NFAM1: variants seen among roughly 807,000 people sequenced by gnomAD.
NFAM1 encodes the protein NFAT activation molecule 1.
Under a neutral mutation model 29.0 loss-of-function variants are expected in NFAM1, and 17 were observed. The observed-to-expected ratio is 0.59, with a 90% confidence interval of 0.40 to 0.88. The LOEUF is 0.88. NFAM1 is among the 40% of genes least tolerant of loss of function. NFAM1 has a pLI of 0.00. For synonymous variants in NFAM1, 175 were observed against 147.2 expected (o/e 1.19, Z -1.36); for missense variants, 324 against 344.6 (o/e 0.94, Z 0.47).
chr22:42,396,902 C>T (rs1929544778), intron 4 of NFAM1, among the ~76,000 whole-genome samples: 1 of 145,372 alleles, frequency 6.9e-6, no homozygotes, highest in Non-Finnish European at 1.5e-5. Flanking sequence ...ACGAGCAGAA[C>T]CCAAGCACCA....
rs370387474 is a variant in NFAM1 at position 42,411,582 on chromosome 22, G to A, written c.276C>T (p.Ser92=). The stretch of plus-strand genomic sequence containing the variant: ...GGTGGCAGTTTGTTGGCTTCTTAGG[G>A]CTCCTCTGTCCCTGGAGATCTTCAT... ...YFHEDLQGQR[S]PKKPTNCHPG... Residue 92 remains serine, a synonymous_variant, in exon 2 of 6, where the codon AGC becomes AGT. Coordinates refer to ENST00000329021, the MANE Select transcript of NFAM1 (RefSeq NM_145912.8). 4 of 1,614,074 alleles carry A rather than the reference G, an allele frequency of 2.5e-6. No individual in the cohort carries two copies. The highest frequency in any genetic ancestry group is 3.4e-6 in the Non-Finnish European group (4 of 1,180,040).
chr22:42,389,673 G>C (rs1387513051), intron 4 of NFAM1, among the ~76,000 whole-genome samples: 1 of 147,992 alleles, frequency 6.8e-6, no homozygotes, highest in Non-Finnish European at 1.5e-5. Flanking sequence ...TTGGGGGCTG[G>C]GGGGCTGGGC....
At chr22:42,427,806 G>C (rs531902355) in intron 1 of NFAM1, among the ~76,000 whole-genome samples, 31 of 152,264 alleles carry the variant, frequency 2.0e-4, no homozygotes, top group African/African-American at 7.5e-4. Context: ...ATATGGTTTC[G>C]GGATGTGTAC....
intron 1 of NFAM1, among the ~76,000 whole-genome samples, chr22:42,417,457 A>G (rs192573369): frequency 6.6e-6 from 1 of 152,258 alleles, no homozygotes; most frequent in East Asian, 1.9e-4. Flanking sequence ...CGCAGGGAGG[A>G]AACGTCTCAA....
At chr22:42,400,390 G>C (rs989031435) in intron 3 of NFAM1, among the ~76,000 whole-genome samples, 5 of 152,108 alleles carry the variant, frequency 3.3e-5, no homozygotes, top group African/African-American at 1.2e-4. Flanking sequence ...AGCCAAGGTG[G>C]GTGGATCACT....
chr22:42,397,982 A>ACTCATCCCTGGCCCT, intron 3 of NFAM1, 26 bp from the exon 4 acceptor site: 1 of 1,316,360 alleles, frequency 7.6e-7, no homozygotes, highest in Non-Finnish European at 1.1e-6. Context: ...AGTCAGGGCC[A>ACTCATCCCTGGCCCT]GGGATGAGTG....
intron 4 of NFAM1, among the ~76,000 whole-genome samples, chr22:42,389,966 A>C (rs1929278879): frequency 6.6e-6 from 1 of 152,148 alleles, no homozygotes; most frequent in South Asian, 2.1e-4. Context: ...GTGGAGAAGC[A>C]ATTCAGCTCT....
rs894053862 is a variant in NFAM1 at position 42,432,167 on chromosome 22, C to T, written c.121+70G>A. On this transcript the variant is annotated intron_variant, in intron 1 of 5. Transcript: ENST00000329021. ...ACAGGTCCCTGGGAATTAGCTGCGC[C>T]GGGCGGGATGAAAGCCGCTCTGATG... is the stretch of plus-strand genomic sequence containing the variant. 3.3e-5 allele frequency: 46 copies of T among 1,376,280 alleles called. No homozygotes were observed. In the East Asian group the frequency reaches 6.7e-4, roughly 20 times the overall value. The allele number at this position is 1,376,280 out of a possible 1,614,324, so 85.3% of individuals were successfully genotyped here. A position where few individuals can be genotyped will look rare whatever the true frequency, so the allele number is the denominator to read the frequency against.
chr22:42,381,918 G>C lies in NFAM1; in HGVS notation c.*3243C>G, dbSNP rs1390383037. Reference sequence around the variant, plus strand: ...CTGGGCCCAGCTCCCAGGGAGGCCTGCCTCTCACTTAGACTCCTCTGTACT... The same window carrying C: ...CTGGGCCCAGCTCCCAGGGAGGCCTCCCTCTCACTTAGACTCCTCTGTACT... On this transcript the variant is annotated 3_prime_UTR_variant, in exon 6 of 6. Transcript: ENST00000329021. The C allele has an allele frequency of 6.6e-6, 1 of 152,412 alleles. No individual in the cohort carries two copies. Among genetic ancestry groups the C allele is most frequent in the East Asian group, 1.9e-4 (1 of 5,182 alleles). 9.4% of individuals were successfully genotyped at this position (152,412 alleles called of 1,614,324 possible).
intron 1 of NFAM1, among the ~76,000 whole-genome samples, chr22:42,429,413 C>T (rs1182336384): frequency 6.6e-6 from 1 of 152,032 alleles, no homozygotes; most frequent in Non-Finnish European, 1.5e-5. Context: ...GTCAGGAGTT[C>T]GAGACCAGCC....
At chr22:42,389,752 C>T (rs1366630302) in intron 4 of NFAM1, among the ~76,000 whole-genome samples, 2 of 152,148 alleles carry the variant, frequency 1.3e-5, no homozygotes, top group East Asian at 3.9e-4. Context: ...AGGCCCTTTG[C>T]CTCCTGCTGC....
At chr22:42,391,704 G>A (rs1929347697) in intron 4 of NFAM1, among the ~76,000 whole-genome samples, 1 of 152,058 alleles carries the variant, frequency 6.6e-6, no homozygotes, top group African/African-American at 2.4e-5. Flanking sequence ...TAGCACTTTG[G>A]GAGGCTGAGG....
In NFAM1 at chr22:42,380,779, T is replaced by C. The variant is rs1011741866; in HGVS notation, c.*4382A>G. 2 of 151,684 alleles carry C rather than the reference T, an allele frequency of 1.3e-5. No homozygotes were observed. Among genetic ancestry groups the C allele is most frequent in the African/African-American group, 2.4e-5 (1 of 41,132 alleles). The allele number at this position is 151,684 out of a possible 1,614,324, so 9.4% of individuals were successfully genotyped here. On this transcript the variant is annotated 3_prime_UTR_variant, in exon 6 of 6. Coordinates refer to ENST00000329021, the MANE Select transcript of NFAM1 (RefSeq NM_145912.8). ...TTAGAATGGAGCATGGACTTTACAT[T>C]AGAATGTGCTTTAACAAAAAAAAAA...
At chr22:42,433,819 G>C (rs947205588), upstream of NFAM1, among the ~76,000 whole-genome samples, 2 of 152,164 alleles carry the variant, frequency 1.3e-5, no homozygotes, top group South Asian at 2.1e-4. Context: ...ATGCAGACCC[G>C]CTGCTTCACG....
rs994147812 is a variant in NFAM1 at position 42,419,105 on chromosome 22, G to A, written c.122-7369C>T. 6.6e-6 allele frequency among the ~76,000 whole-genome samples: 1 copy of A among 152,200 alleles called. No homozygotes were observed. The highest frequency in any genetic ancestry group is 1.5e-5 in the Non-Finnish European group (1 of 68,028). ...CTGGCGCGGGGACCACATGCCGAGT[G>A]AGTCCCTGGCGGGGTGTGCCCCCAC... On this transcript the variant is annotated intron_variant, in intron 1 of 5. Coordinates refer to ENST00000329021, the MANE Select transcript of NFAM1 (RefSeq NM_145912.8). This position sits in a 1 kb window ranked among gnomAD's most constrained non-coding sequence, Gnocchi z 4.5.
rs564770148 is a variant in NFAM1 at position 42,389,843 on chromosome 22, G to C, written c.664-2765C>G. Among the ~76,000 whole-genome samples, 5 of 152,340 alleles carry C rather than the reference G, an allele frequency of 3.3e-5. No homozygotes were observed. The East Asian group carries it at 7.7e-4, about 23-fold the overall frequency. The stretch of plus-strand genomic sequence containing the variant: ...CAATGCTGAGGCCTTCTCCAGGCAG[G>C]CTGAGGCCAGAGCTGAAGTTAGTGT... On this transcript the variant is annotated intron_variant, in intron 4 of 5. Transcript: ENST00000329021.
At chr22:42,398,382 T>TTTTA in intron 3 of NFAM1, among the ~76,000 whole-genome samples, 1 of 125,428 alleles carries the variant, frequency 8.0e-6, no homozygotes, top group South Asian at 2.7e-4. Flanking sequence ...CTTGGTTTTA[T>TTTTA]TTATTATTAT....
At chr22:42,395,842 C>T (rs1601738775) in intron 4 of NFAM1, among the ~76,000 whole-genome samples, 1 of 142,620 alleles carries the variant, frequency 7.0e-6, no homozygotes, top group Non-Finnish European at 1.5e-5. Context: ...AAGATCGTGC[C>T]ACTGCACTCC....
Position 42,409,302 on chromosome 22 carries a change from GCCA to G in NFAM1, c.564+130_564+132del, listed in dbSNP as rs1930001918. On this transcript the variant is annotated intron_variant, in intron 3 of 5. Transcript: ENST00000329021. The surrounding 1 kb of genome is among the most constrained non-coding windows in gnomAD (Gnocchi z 4.9). ...GATGCCCCCAGCCCTGGTGCAAGGGGCCACGAGGGCCACCTGTTACAGATGTGG... is the reference window on the plus strand; with the variant it reads ...GATGCCCCCAGCCCTGGTGCAAGGGGCGAGGGCCACCTGTTACAGATGTGG... 1 of 476,352 alleles carries G rather than the reference GCCA, an allele frequency of 2.1e-6. No homozygotes were observed. Among genetic ancestry groups the G allele is most frequent in the Admixed American group, 3.5e-5 (1 of 28,732 alleles). The allele number at this position is 476,352 out of a possible 1,614,324, so 29.5% of individuals were successfully genotyped here.
Sources: allele counts gnomAD v4.1 joint callset (sites outside exome capture counted in the v4.1 genomes callset), GRCh38; gene constraint gnomAD v4.1.1; non-coding constraint Gnocchi (gnomAD v3.1); transcripts MANE v1.5; gene names NCBI Gene and HGNC (gene_info 2026-07-23, HGNC 2026-07-21).